Variants in GNA14 observed in about 807,000 individuals in gnomAD.
The protein encoded by GNA14 is G protein subunit alpha 14.
Under a neutral mutation model 42.0 loss-of-function variants are expected in GNA14, and 50 were observed. The ratio of observed to expected loss-of-function variants is 1.19; its 90% CI spans 0.95 to 1.51. GNA14 has a LOEUF of 1.51. GNA14 is among the 40% of genes most tolerant of loss of function. GNA14 has a pLI of 0.00. For synonymous variants in GNA14, 173 were observed against 163.1 expected, an observed-to-expected ratio of 1.06 and a Z score of -0.46; for missense variants, 473 against 446.2, an observed-to-expected ratio of 1.06 and a Z score of -0.54.
intron 2 of GNA14, among the ~76,000 whole-genome samples, chr9:77,485,886 G>T (rs1368612374): frequency 1.3e-5 from 2 of 152,162 alleles, no homozygotes; most frequent in African/African-American, 4.8e-5. Flanking sequence ...AGGCTTTGTT[G>T]TTCCATTTAT....
chr9:77,464,914 TG>T (rs1029266608), intron 2 of GNA14, among the ~76,000 whole-genome samples: 2 of 151,954 alleles, frequency 1.3e-5, no homozygotes, highest in African/African-American at 4.8e-5. Context: ...GAGAATGCCG[TG>T]TGAAGCCAGA....
chr9:77,490,741 C>A (rs762996174), intron 2 of GNA14, among the ~76,000 whole-genome samples: 23 of 152,214 alleles, frequency 1.5e-4, no homozygotes, highest in Non-Finnish European at 2.5e-4. Flanking sequence ...CTCACACAGC[C>A]CCGGTTCCTG....
intron 1 of GNA14, among the ~76,000 whole-genome samples, chr9:77,532,335 A>G (rs1837541993): frequency 6.6e-6 from 1 of 152,240 alleles, no homozygotes; most frequent in South Asian, 2.1e-4. Flanking sequence ...GCTTACGTGC[A>G]GTCTTCACCT....
At chr9:77,558,290 A>C (rs1249995526) in intron 1 of GNA14, among the ~76,000 whole-genome samples, 1 of 152,108 alleles carries the variant, frequency 6.6e-6, no homozygotes, top group Non-Finnish European at 1.5e-5. Flanking sequence ...GATCAGATAG[A>C]TAGATAGACA....
intron 2 of GNA14, among the ~76,000 whole-genome samples, chr9:77,470,938 C>T (rs971700450): frequency 1.3e-5 from 2 of 152,272 alleles, no homozygotes; most frequent in East Asian, 3.9e-4. Flanking sequence ...GGGAAATCTG[C>T]CCCCATGATC....
At chr9:77,592,643 A>C (rs896646598) in intron 1 of GNA14, among the ~76,000 whole-genome samples, 3 of 152,118 alleles carry the variant, frequency 2.0e-5, no homozygotes, top group Admixed American at 6.6e-5. Context: ...CTTCCTCTCT[A>C]AACATTCGAG....
At chr9:77,592,361 C>A (rs1367340424) in intron 1 of GNA14, among the ~76,000 whole-genome samples, 1 of 152,180 alleles carries the variant, frequency 6.6e-6, no homozygotes, top group African/African-American at 2.4e-5. Flanking sequence ...CAGTGAATGA[C>A]CATGTTAACT....
intron 2 of GNA14, among the ~76,000 whole-genome samples, chr9:77,458,458 C>T (rs111865407): frequency 0.014 from 2,143 of 152,210 alleles, 21 homozygotes; most frequent in South Asian, 0.03. Context: ...TGAGAAGACC[C>T]CATCACAGTA....
At chr9:77,615,702 TACACACACAC>T (rs59087574) in intron 1 of GNA14, among the ~76,000 whole-genome samples, 5,360 of 134,444 alleles carry the variant, frequency 0.04, 279 homozygotes, top group African/African-American at 0.12. Context: ...GAAAATGAAA[TACACACACAC>T]ACACACACAC....
chr9:77,542,180 C>A (rs1837668627), intron 1 of GNA14, among the ~76,000 whole-genome samples: 1 of 152,058 alleles, frequency 6.6e-6, no homozygotes, highest in Admixed American at 6.6e-5. Context: ...TAGGGGAGGA[C>A]TTTTTCCTGA....
At chr9:77,457,161 T>C (rs1836014924) in intron 2 of GNA14, among the ~76,000 whole-genome samples, 1 of 152,194 alleles carries the variant, frequency 6.6e-6, no homozygotes, top group African/African-American at 2.4e-5. Context: ...AGAGCTAATA[T>C]GAAGGTAAGA....
intron 1 of GNA14, among the ~76,000 whole-genome samples, chr9:77,575,178 T>C (rs528888885): frequency 1.1e-4 from 17 of 152,222 alleles, no homozygotes; most frequent in Non-Finnish European, 2.1e-4. Flanking sequence ...ACTTCATATC[T>C]GGCTAGAATA....
intron 1 of GNA14, among the ~76,000 whole-genome samples, chr9:77,551,621 G>A (rs971870078): frequency 2.7e-5 from 4 of 150,544 alleles, no homozygotes; most frequent in Non-Finnish European, 5.9e-5. Flanking sequence ...CCTAAAGTCT[G>A]GTCAATTCCA....
intron 1 of GNA14, among the ~76,000 whole-genome samples, chr9:77,600,622 GA>G (rs1341519181): frequency 1.3e-5 from 2 of 152,142 alleles, no homozygotes; most frequent in African/African-American, 4.8e-5. Context: ...ATGAGAGTGT[GA>G]AAAACAGATT....
intron 1 of GNA14, among the ~76,000 whole-genome samples, chr9:77,568,625 G>C (rs1280881772): frequency 6.6e-6 from 1 of 152,212 alleles, no homozygotes; most frequent in Non-Finnish European, 1.5e-5. Context: ...CTGTGGCATG[G>C]AATCTGCTGG....
intron 1 of GNA14, among the ~76,000 whole-genome samples, chr9:77,639,486 C>T (rs964528865): frequency 1.2e-4 from 18 of 152,308 alleles, no homozygotes; most frequent in East Asian, 1.9e-4. Flanking sequence ...ACATGCTAAC[C>T]GCTGTGTCAC....
At chr9:77,505,477 C>T (rs1837052931) in intron 2 of GNA14, among the ~76,000 whole-genome samples, 1 of 152,170 alleles carries the variant, frequency 6.6e-6, no homozygotes, top group Admixed American at 6.5e-5. Context: ...CCTCCATTTC[C>T]CTGCAGACTG....
intron 1 of GNA14, among the ~76,000 whole-genome samples, chr9:77,559,909 G>A (rs140320412): frequency 4.6e-5 from 7 of 152,196 alleles, no homozygotes; most frequent in East Asian, 1.9e-4. Flanking sequence ...TCAACCAGGC[G>A]GTGGTGAGTA....
intron 6 of GNA14, 72 bp from the exon 7 acceptor site, chr9:77,424,241 G>T: frequency 9.3e-7 from 1 of 1,076,824 alleles, no homozygotes; most frequent in Non-Finnish European, 1.4e-6. Context: ...CCTTTTTTTT[G>T]AGACAGAGTC....
Sources: gnomAD v4.1 joint callset for allele counts (sites outside exome capture counted in the v4.1 genomes callset) on GRCh38, gnomAD v4.1.1 for gene constraint, MANE v1.5 for transcripts, NCBI Gene and HGNC (gene_info 2026-07-23, HGNC 2026-07-21) for gene names.